HERC2: variants seen among roughly 807,000 people sequenced by gnomAD.
HERC2 encodes the protein HECT and RLD domain containing E3 ubiquitin protein ligase 2.
HERC2 carries 102 observed loss-of-function variants against 537.7 expected under a neutral mutation model. That is an observed-to-expected ratio of 0.19 (90% CI 0.16 to 0.22). The LOEUF is 0.22. HERC2 is among the 10% of genes least tolerant of loss of function. HERC2 has a pLI of 1.00. For missense variants in HERC2, 4,236 were observed against 6,198.2 expected (o/e 0.68, Z 10.63); for synonymous variants, 2,224 against 2,466.2 (o/e 0.90, Z 2.91).
At chr15:28,255,366 A>G (rs969674020) in intron 19 of HERC2, among the ~76,000 whole-genome samples, 2 of 152,212 alleles carry the variant, frequency 1.3e-5, no homozygotes, top group African/African-American at 4.8e-5. Flanking sequence ...AAAAGCAATT[A>G]AACGTCCTTC....
At chr15:28,190,830 T>G in intron 55 of HERC2, 135 bp downstream of exon 55, 1 of 659,338 alleles carries the variant, frequency 1.5e-6, no homozygotes, top group Non-Finnish European at 2.7e-6. Flanking sequence ...TCTTTTAAAG[T>G]GTCAAAATTT....
At position 28,111,942 on chromosome 15, in the gene HERC2, C is replaced by T. The variant is rs980692435; in HGVS notation, c.14326G>A (p.Val4776Met). 1 of 1,614,024 alleles carries T rather than the reference C, an allele frequency of 6.2e-7. No individual in the cohort carries two copies. The highest frequency in any genetic ancestry group is 8.5e-7 in the Non-Finnish European group (1 of 1,180,044). Residue 4776 changes from valine to methionine, a missense_variant, in exon 93 of 93, where the codon GTG becomes ATG. Physicochemically the swap from Val to Met is conservative, Grantham distance 21. Transcript: ENST00000261609. ...GCGTACTTGAGCTTCTCCTCCAGCA[C>T]CTGCTTGCAGGAATACCTGGGCAGC... is the stretch of plus-strand genomic sequence containing the variant. The part of the protein sequence containing the change: ...LKLPRYSCKQ[V>M]LEEKLKYAIH...
chr15:28,175,685 C>T (rs747252223), intron 63 of HERC2, 29 bp from the exon 64 acceptor site: 3 of 1,612,994 alleles, frequency 1.9e-6, no homozygotes, highest in African/African-American at 1.3e-5. Context: ...TGGAGAGTTA[C>T]AATACGGTTA....
In HERC2 at chr15:28,269,320, A is replaced by G; in HGVS notation, c.1374T>C (p.Cys458=). 2 of 1,614,210 alleles carry G rather than the reference A, an allele frequency of 1.2e-6. No homozygotes were observed. Among genetic ancestry groups the G allele is most frequent in the Non-Finnish European group, 1.7e-6 (2 of 1,180,032 alleles). Residue 458 remains cysteine, a synonymous_variant, in exon 11 of 93, where the codon TGT becomes TGC. Coordinates refer to ENST00000261609, the MANE Select transcript of HERC2 (RefSeq NM_004667.6). ...ACAGAATCAGGAAACGCTTCTCTGC[A>G]CAGGCAATCTGTGTGACTCCCAGGT... ...LANLGVTQIA[C]AEKRFLILSR...
rs767076565 is a variant in HERC2 at position 28,179,176 on chromosome 15, T to A, written c.8985A>T (p.Val2995=). The A allele has an allele frequency of 6.2e-7, 1 of 1,613,298 alleles. No individual in the cohort carries two copies. Among genetic ancestry groups the A allele is most frequent in the South Asian group, 1.1e-5 (1 of 90,700 alleles). ...AACTTTTAGATCCACCAGCCACCTG[T>A]ACCACATTCAAAGCTGACAGTGTCT... ...FSETLSALNV[V]QVAGGSKSLF... is the part of the protein sequence containing the mutation. The change falls in exon 58 of 93, where the codon GTA becomes GTT. Residue 2995 remains valine (V), a synonymous_variant. Transcript: ENST00000261609.
At chr15:28,257,037 A>C (rs1261716581) in intron 17 of HERC2, 24 bp downstream of exon 17, 1 of 1,592,276 alleles carries the variant, frequency 6.3e-7, no homozygotes, top group African/African-American at 1.3e-5. Flanking sequence ...CAAAAGGAGG[A>C]AGAAGAAGGG....
chr15:28,127,041 A>G (rs1889570873), intron 83 of HERC2, among the ~76,000 whole-genome samples: 1 of 152,210 alleles, frequency 6.6e-6, no homozygotes, highest in African/African-American at 2.4e-5. Context: ...CAGGATGGAA[A>G]CAAGGCTCAT....
intron 44 of HERC2, among the ~76,000 whole-genome samples, chr15:28,208,994 T>C (rs1355257261): frequency 6.6e-6 from 1 of 152,232 alleles, no homozygotes; most frequent in African/African-American, 2.4e-5. Context: ...AAAATGTTTT[T>C]TTCTATTAAA....
At chr15:28,155,577 T>C (rs1236142467) in intron 69 of HERC2, among the ~76,000 whole-genome samples, 1 of 150,110 alleles carries the variant, frequency 6.7e-6, no homozygotes, top group Non-Finnish European at 1.5e-5. Context: ...TTGAGAAGTG[T>C]CTGTTCATAT....
At chr15:28,285,864 C>T (rs1286878845) in intron 4 of HERC2, among the ~76,000 whole-genome samples, 4 of 144,782 alleles carry the variant, frequency 2.8e-5, no homozygotes, top group Admixed American at 2.7e-4. Flanking sequence ...TCTAAAGATA[C>T]CAAAAAAGAT....
In HERC2 at chr15:28,218,695, A is replaced by G. The variant is rs548656617; in HGVS notation, c.5846-24T>C. The G allele has an allele frequency of 7.1e-6, 11 of 1,540,730 alleles. No individual in the cohort carries two copies. In the Admixed American group the frequency reaches 1.2e-4, roughly 16 times the overall value. The stretch of plus-strand genomic sequence containing the variant: ...TTCTAAAAAAAATAATCAAAATTAC[A>G]AATTATATTCCCAAGTAAAACTGGA... On this transcript the variant is annotated intron_variant, in intron 37 of 92. Transcript: ENST00000261609.
chr15:28,190,034 A>G (rs1331453187), intron 55 of HERC2, among the ~76,000 whole-genome samples: 1 of 148,546 alleles, frequency 6.7e-6, no homozygotes, highest in Non-Finnish European at 1.5e-5. Flanking sequence ...TTGAGACAAG[A>G]GTCTGGCTCT....
chr15:28,272,461 C>CA (rs1188807277), intron 8 of HERC2, 75 bp from the exon 9 acceptor site: 2 of 1,334,796 alleles, frequency 1.5e-6, no homozygotes, highest in Non-Finnish European at 2.1e-6. Flanking sequence ...AAAATAAAAG[C>CA]AAATAGCTGG....
Position 28,177,211 on chromosome 15 carries a change from A to G in HERC2, c.9255-84T>C. 2 of 1,380,806 alleles carry G rather than the reference A, an allele frequency of 1.4e-6. No individual in the cohort carries two copies. The highest frequency in any genetic ancestry group is 2.0e-6 in the Non-Finnish European group (2 of 1,002,348). 85.5% of individuals were successfully genotyped at this position (1,380,806 alleles called of 1,614,324 possible). ...AAAAAAGACATCTATACTGATCCACATGTAGTCAACACAGGATCCACAGAT... is the reference window on the plus strand; with the variant it reads ...AAAAAAGACATCTATACTGATCCACGTGTAGTCAACACAGGATCCACAGAT... On this transcript the variant is annotated intron_variant, in intron 60 of 92. Coordinates refer to ENST00000261609, the MANE Select transcript of HERC2 (RefSeq NM_004667.6). This position sits in a 1 kb window ranked among gnomAD's most constrained non-coding sequence, Gnocchi z 5.0.
At chr15:28,274,107 T>C (rs1365333767) in intron 7 of HERC2, among the ~76,000 whole-genome samples, 184 bp downstream of exon 7, 1 of 151,970 alleles carries the variant, frequency 6.6e-6, no homozygotes, top group African/African-American at 2.4e-5. Context: ...CTAGTCAGAG[T>C]ATCATAAATC....
chr15:28,244,501 C>T (rs1903465875), intron 23 of HERC2, among the ~76,000 whole-genome samples: 1 of 152,142 alleles, frequency 6.6e-6, no homozygotes, highest in African/African-American at 2.4e-5. Flanking sequence ...GAGGGTCCTG[C>T]CACCATCCAG....
intron 83 of HERC2, among the ~76,000 whole-genome samples, chr15:28,126,673 G>A (rs1479475414): frequency 2.0e-5 from 3 of 152,068 alleles, no homozygotes; most frequent in South Asian, 2.1e-4. Context: ...AGGATGCAAC[G>A]GCATAAGAAT....
rs1435325443 is a variant in HERC2, at chr15:28,122,192, A to C, written c.13189-763T>G. Among the ~76,000 whole-genome samples the C allele has an allele frequency of 6.6e-6, 1 of 152,218 alleles. No individual in the cohort carries two copies. Among genetic ancestry groups the C allele is most frequent in the Non-Finnish European group, 1.5e-5 (1 of 68,030 alleles). On this transcript the variant is annotated intron_variant, in intron 85 of 92. Coordinates refer to ENST00000261609, the MANE Select transcript of HERC2 (RefSeq NM_004667.6). The surrounding 1 kb of genome is among the most constrained non-coding windows in gnomAD (Gnocchi z 4.1). ...GGTGAAGACAGCAGGGCGTGGCCAA[A>C]CATCAGCACCACGGTGAGGACCCAG... is the stretch of plus-strand genomic sequence containing the variant.
chr15:28,169,549 A>T lies in HERC2; in HGVS notation c.10164T>A (p.Asp3388Glu), dbSNP rs776344466. 9.9e-6 allele frequency: 16 copies of T among 1,612,902 alleles called. 1 individual carries two copies. The South Asian group carries it at 1.8e-4, about 18-fold the overall frequency. The change falls in exon 66 of 93, where the codon GAT (aspartate) becomes GAA (glutamate). Residue 3388 changes from aspartate to glutamate, a missense_variant. Transcript: ENST00000261609. ...AGGCCTGCTGTTTGGCCAGATTTCC[A>T]TCCAATGACAAGAGAATCTTGGCAA... ...PSLAKILLSL[D>E]GNLAKQQALS... is the part of the protein sequence containing the mutation.
Sources: gnomAD v4.1 joint callset for allele counts (sites outside exome capture counted in the v4.1 genomes callset) on GRCh38, gnomAD v4.1.1 for gene constraint, Gnocchi (gnomAD v3.1) non-coding constraint, MANE v1.5 for transcripts, NCBI Gene and HGNC (gene_info 2026-07-23, HGNC 2026-07-21) for gene names.